Variants in PRKCA observed in about 807,000 individuals in gnomAD.
PRKCA encodes the protein protein kinase C alpha.
In PRKCA, 27 loss-of-function variants were observed where a neutral mutation model predicts 87.0. That is an observed-to-expected ratio of 0.31 (90% CI 0.23 to 0.43). The LOEUF (loss-of-function observed/expected upper bound fraction) is 0.43, where lower values mean the gene tolerates loss of function less well. Ranked by LOEUF, PRKCA falls within the 20% of genes least tolerant of loss-of-function variation. The pLI is 1.00. For synonymous variants in PRKCA, 329 were observed against 311.1 expected, an observed-to-expected ratio of 1.06 and a Z score of -0.61; for missense variants, 518 against 852.3, an observed-to-expected ratio of 0.61 and a Z score of 4.88.
At chr17:66,479,184 C>G (rs1046642410) in intron 2 of PRKCA, among the ~76,000 whole-genome samples, 3 of 151,952 alleles carry the variant, frequency 2.0e-5, no homozygotes, top group Non-Finnish European at 4.4e-5. Flanking sequence ...AAAAACAACC[C>G]CCCAAAAAAG....
intron 3 of PRKCA, among the ~76,000 whole-genome samples, chr17:66,522,678 A>G (rs914444593): frequency 9.2e-5 from 14 of 152,240 alleles, no homozygotes; most frequent in Admixed American, 5.9e-4. Flanking sequence ...GCAGGAGGGA[A>G]GGTTAAGACA....
At chr17:66,423,208 C>T (rs1912588888) in intron 2 of PRKCA, among the ~76,000 whole-genome samples, 1 of 152,112 alleles carries the variant, frequency 6.6e-6, no homozygotes, top group African/African-American at 2.4e-5. Flanking sequence ...TAATTTTATT[C>T]ATGATGCTGA....
intron 2 of PRKCA, among the ~76,000 whole-genome samples, chr17:66,307,853 TCTC>T (rs1435604977): frequency 6.6e-6 from 1 of 150,588 alleles, no homozygotes; most frequent in East Asian, 1.9e-4. Context: ...TGCATATGCT[TCTC>T]TTTTCCCTCC....
At chr17:66,680,094 G>A (rs1012052666) in intron 5 of PRKCA, among the ~76,000 whole-genome samples, 6 of 152,202 alleles carry the variant, frequency 3.9e-5, no homozygotes, top group African/African-American at 1.4e-4. Flanking sequence ...CCGTGGCCTG[G>A]TGTTGAATGA....
At chr17:66,519,448 G>A (rs1376007889) in intron 3 of PRKCA, among the ~76,000 whole-genome samples, 3 of 152,056 alleles carry the variant, frequency 2.0e-5, no homozygotes, top group African/African-American at 7.2e-5. Flanking sequence ...CCTTAAGGTG[G>A]GAAACAGTTG....
chr17:66,400,928 A>G (rs1321119534), intron 2 of PRKCA, among the ~76,000 whole-genome samples: 3 of 152,346 alleles, frequency 2.0e-5, no homozygotes, highest in Non-Finnish European at 2.9e-5. Context: ...TGAGTATACC[A>G]TATATGTCCA....
chr17:66,791,042 C>T (rs1225295014), intron 16 of PRKCA, among the ~76,000 whole-genome samples: 1 of 150,922 alleles, frequency 6.6e-6, no homozygotes, highest in Non-Finnish European at 1.5e-5. Context: ...TACATGTGCA[C>T]AATGTGCAGG....
At chr17:66,777,344 G>A in intron 14 of PRKCA, 1 of 985,264 alleles carries the variant, frequency 1.0e-6, no homozygotes, top group Non-Finnish European at 1.2e-6. Flanking sequence ...TAAAGCTTTA[G>A]CCTGCATTTG....
At chr17:66,710,784 C>A (rs1038674055) in intron 8 of PRKCA, among the ~76,000 whole-genome samples, 1 of 152,036 alleles carries the variant, frequency 6.6e-6, no homozygotes, top group African/African-American at 2.4e-5. Context: ...AATCCCAGCA[C>A]TTTGGGAGGC....
intron 3 of PRKCA, among the ~76,000 whole-genome samples, chr17:66,566,484 T>G (rs970108012): frequency 2.8e-5 from 4 of 145,146 alleles, no homozygotes; most frequent in East Asian, 1.9e-4. Context: ...TTTTTGGTTT[T>G]TTTTTTTTTT....
intron 2 of PRKCA, among the ~76,000 whole-genome samples, chr17:66,428,237 T>C (rs1912915915): frequency 6.6e-6 from 1 of 152,222 alleles, no homozygotes; most frequent in South Asian, 2.1e-4. Flanking sequence ...ATTGATTTGA[T>C]GGCAGGGATG....
At chr17:66,310,136 C>A (rs541439742) in intron 2 of PRKCA, among the ~76,000 whole-genome samples, 1 of 152,296 alleles carries the variant, frequency 6.6e-6, no homozygotes, top group African/African-American at 2.4e-5. Flanking sequence ...CAAAATGTGA[C>A]CTGCCTATTT....
chr17:66,503,876 A>G (rs1916858105), intron 3 of PRKCA, among the ~76,000 whole-genome samples: 2 of 152,224 alleles, frequency 1.3e-5, no homozygotes, highest in South Asian at 4.1e-4. Flanking sequence ...TTGAATTTAG[A>G]AAAAGATGAT....
Position 66,605,561 on chromosome 17 carries a change from A to G in PRKCA, c.289-35794A>G, listed in dbSNP as rs78496564. ...TATTTGGCAGTCACTCAAAAAGTTA[A>G]AGTTGCCATAAGACCCAACAATTCC... On this transcript the variant is annotated intron_variant, in intron 3 of 16. Transcript: ENST00000413366. 5.4e-3 allele frequency among the ~76,000 whole-genome samples: 822 copies of G among 152,334 alleles called. 6 individuals carry two copies. Among genetic ancestry groups the G allele is most frequent in the Middle Eastern group, 0.017 (5 of 294 alleles).
chr17:66,369,163 G>C (rs1028569212), intron 2 of PRKCA, among the ~76,000 whole-genome samples: 4 of 152,222 alleles, frequency 2.6e-5, no homozygotes, highest in African/African-American at 9.7e-5. Context: ...CTCTGCCTAA[G>C]GGAAGGCCCA....
intron 3 of PRKCA, among the ~76,000 whole-genome samples, chr17:66,530,848 G>A (rs1967509990): frequency 6.7e-6 from 1 of 149,888 alleles, no homozygotes; most frequent in Admixed American, 6.6e-5. Context: ...GGCAAGTGGT[G>A]GAGGATCTAA....
rs1967294772 is a variant in PRKCA, at chr17:66,524,961, A to G, written c.288+28678A>G. On this transcript the variant is annotated intron_variant, in intron 3 of 16. Coordinates refer to ENST00000413366, the MANE Select transcript of PRKCA (RefSeq NM_002737.3). The stretch of plus-strand genomic sequence containing the variant: ...CCACAGATCCTCCCATCCTGGTTAC[A>G]TGTTCTCTTATAACGTGTCTTTGCC... 2.0e-5 allele frequency among the ~76,000 whole-genome samples: 3 copies of G among 152,320 alleles called. No homozygotes were observed. The South Asian group carries it at 6.2e-4, about 32-fold the overall frequency.
chr17:66,778,769 G>A (rs1975128613), intron 14 of PRKCA, among the ~76,000 whole-genome samples: 1 of 151,376 alleles, frequency 6.6e-6, no homozygotes, highest in African/African-American at 2.4e-5. Flanking sequence ...CGAGCCCGGG[G>A]GGTCAAGGCT....
chr17:66,450,388 A>G (rs571098439), intron 2 of PRKCA, among the ~76,000 whole-genome samples: 1 of 152,314 alleles, frequency 6.6e-6, no homozygotes, highest in Non-Finnish European at 1.5e-5. Flanking sequence ...AGTGCTAAGT[A>G]AAACGAGTTA....
Sources: gnomAD v4.1 joint callset for allele counts (sites outside exome capture counted in the v4.1 genomes callset) on GRCh38, gnomAD v4.1.1 for gene constraint, MANE v1.5 for transcripts, NCBI Gene and HGNC (gene_info 2026-07-23, HGNC 2026-07-21) for gene names.